The following DENND1A variants were observed in gnomAD, a reference collection of about 807,000 sequenced individuals.
DENND1A encodes the protein DENN domain-containing protein 1A.
Under a neutral mutation model 113.7 loss-of-function variants are expected in DENND1A, and 51 were observed. The ratio of observed to expected loss-of-function variants is 0.45; its 90% CI spans 0.36 to 0.57. The LOEUF is 0.57. Ranked by LOEUF, DENND1A falls within the 20% of genes least tolerant of loss-of-function variation. DENND1A has a pLI of 0.00. For synonymous variants in DENND1A, 565 were observed against 570.8 expected (o/e 0.99, Z 0.14); for missense variants, 1,258 against 1,395.9 (o/e 0.90, Z 1.57).
chr9:123,631,302 G>T (rs957271637), intron 9 of DENND1A, among the ~76,000 whole-genome samples: 2 of 151,884 alleles, frequency 1.3e-5, no homozygotes, highest in Non-Finnish European at 1.5e-5. Context: ...ATTCTGATCA[G>T]GACTAAGGTT....
intron 2 of DENND1A, among the ~76,000 whole-genome samples, chr9:123,833,988 G>A (rs1284308698): frequency 2.0e-5 from 3 of 152,230 alleles, no homozygotes; most frequent in South Asian, 2.1e-4. Context: ...CCTGGGAGGC[G>A]GGGGTTGCAG....
At chr9:123,430,068 C>T (rs1440032769) in intron 19 of DENND1A, among the ~76,000 whole-genome samples, 1 of 152,058 alleles carries the variant, frequency 6.6e-6, no homozygotes, top group Non-Finnish European at 1.5e-5. Context: ...ATTCACGTGG[C>T]CAATGAACAT....
intron 5 of DENND1A, among the ~76,000 whole-genome samples, chr9:123,753,503 CTAGCA>C (rs2070248680): frequency 6.6e-6 from 1 of 152,238 alleles, no homozygotes; most frequent in Non-Finnish European, 1.5e-5. Flanking sequence ...TCTCTTACAA[CTAGCA>C]TGAAATGAGT....
intron 11 of DENND1A, among the ~76,000 whole-genome samples, chr9:123,600,808 G>A (rs921999280): frequency 6.6e-6 from 1 of 150,942 alleles, no homozygotes; most frequent in African/African-American, 2.4e-5. Flanking sequence ...TCTAGCCTGG[G>A]CAACAAAGCA....
At chr9:123,903,058 C>A (rs1299086462) in intron 1 of DENND1A, among the ~76,000 whole-genome samples, 3 of 151,954 alleles carry the variant, frequency 2.0e-5, no homozygotes, top group Non-Finnish European at 4.4e-5. Context: ...AAAGGCCGGG[C>A]GCGGTGGCTC....
At chr9:123,434,180 T>C (rs1224236864) in intron 19 of DENND1A, among the ~76,000 whole-genome samples, 1 of 152,152 alleles carries the variant, frequency 6.6e-6, no homozygotes, top group Non-Finnish European at 1.5e-5. Context: ...GCGCATGCCA[T>C]CATGCCTGGC....
chr9:123,554,252 T>TCA (rs1319055244), intron 13 of DENND1A, among the ~76,000 whole-genome samples: 1 of 152,088 alleles, frequency 6.6e-6, no homozygotes, highest in Non-Finnish European at 1.5e-5. Flanking sequence ...AGACAGGGTC[T>TCA]CACCCTGTTG....
chr9:123,801,810 A>G (rs1739803291), intron 2 of DENND1A, among the ~76,000 whole-genome samples: 1 of 152,174 alleles, frequency 6.6e-6, no homozygotes. Context: ...CTTAAATATA[A>G]ATCCCTAAAC....
chr9:123,882,683 T>A (rs1304877814), intron 1 of DENND1A, among the ~76,000 whole-genome samples: 3 of 152,188 alleles, frequency 2.0e-5, no homozygotes, highest in African/African-American at 7.2e-5. Context: ...ACAGTAATCC[T>A]TTTATTCTGA....
chr9:123,914,080 T>C (rs1364614243), intron 1 of DENND1A, among the ~76,000 whole-genome samples: 1 of 151,694 alleles, frequency 6.6e-6, no homozygotes, highest in Non-Finnish European at 1.5e-5. Context: ...TTTAAGCGGG[T>C]AGAACCTTAG....
chr9:123,777,582 G>C (rs527749561), intron 3 of DENND1A, among the ~76,000 whole-genome samples: 121 of 152,250 alleles, frequency 7.9e-4, no homozygotes, highest in African/African-American at 2.8e-3. Flanking sequence ...AATTATTCTA[G>C]CACTACCAAT....
chr9:123,561,927 T>A (rs948783047), intron 12 of DENND1A, among the ~76,000 whole-genome samples: 3 of 152,024 alleles, frequency 2.0e-5, no homozygotes, highest in African/African-American at 7.2e-5. Context: ...CCTGAATCCA[T>A]CCTCTCCTCT....
At chr9:123,596,182 C>T (rs916472717) in intron 11 of DENND1A, among the ~76,000 whole-genome samples, 84 of 152,186 alleles carry the variant, frequency 5.5e-4, no homozygotes, top group African/African-American at 1.9e-3. Context: ...CTCCTGACTA[C>T]TCCTATCCCC....
intron 12 of DENND1A, 49 bp from the exon 13 acceptor site, chr9:123,557,744 G>A: frequency 6.2e-7 from 1 of 1,603,738 alleles, no homozygotes. Flanking sequence ...GGTCAAAGTA[G>A]GGTGGCTGAC....
intron 1 of DENND1A, among the ~76,000 whole-genome samples, chr9:123,891,351 TACTG>T (rs1328676712): frequency 1.3e-5 from 2 of 152,246 alleles, no homozygotes; most frequent in Admixed American, 1.3e-4. Context: ...ACGTACACTA[TACTG>T]ACTCAGTCTC....
At chr9:123,462,243 C>T (rs999440876) in intron 13 of DENND1A, among the ~76,000 whole-genome samples, 4 of 152,270 alleles carry the variant, frequency 2.6e-5, no homozygotes, top group Non-Finnish European at 1.5e-5. Context: ...CAGTGCTACG[C>T]ACTTCACAAC....
intron 3 of DENND1A, among the ~76,000 whole-genome samples, chr9:123,783,428 T>G (rs1237855055): frequency 6.6e-6 from 1 of 152,176 alleles, no homozygotes; most frequent in Non-Finnish European, 1.5e-5. Flanking sequence ...CCCTAACACC[T>G]GACAAAGGCA....
chr9:123,870,269 G>C (rs1464747801), intron 2 of DENND1A, among the ~76,000 whole-genome samples: 1 of 133,688 alleles, frequency 7.5e-6, no homozygotes, highest in Non-Finnish European at 1.5e-5. Flanking sequence ...ATATTAATCA[G>C]CTTTTTTTTT....
At chr9:123,631,233 A>G (rs1304325277) in intron 9 of DENND1A, among the ~76,000 whole-genome samples, 1 of 152,064 alleles carries the variant, frequency 6.6e-6, no homozygotes, top group East Asian at 1.9e-4. Context: ...CCTCACCAGC[A>G]CTACTCCTTG....
Sources: gnomAD v4.1 joint callset for allele counts (sites outside exome capture counted in the v4.1 genomes callset) on GRCh38, gnomAD v4.1.1 for gene constraint, MANE v1.5 for transcripts, NCBI Gene and HGNC (gene_info 2026-07-23, HGNC 2026-07-21) for gene names.